Variants in HECW1 observed in about 807,000 individuals in gnomAD.
HECW1 encodes the protein E3 ubiquitin-protein ligase HECW1.
In HECW1, 61 loss-of-function variants were observed where a neutral mutation model predicts 182.3. That is an observed-to-expected ratio of 0.33 (90% CI 0.27 to 0.41). The LOEUF is 0.41. Among genes scored for constraint, HECW1 ranks in the 10% least tolerant of loss-of-function variants. The pLI is 1.00. For synonymous variants in HECW1, 859 were observed against 832.6 expected, an observed-to-expected ratio of 1.03 and a Z score of -0.55; for missense variants, 1,739 against 2,108.9, an observed-to-expected ratio of 0.82 and a Z score of 3.44.
intron 18 of HECW1, among the ~76,000 whole-genome samples, 161 bp from the exon 19 acceptor site, chr7:43,492,923 T>C (rs909359167): frequency 6.6e-6 from 1 of 152,234 alleles, no homozygotes; most frequent in Non-Finnish European, 1.5e-5. Flanking sequence ...TATTATGTCA[T>C]ATTTTAAAAA....
At chr7:43,365,475 T>C (rs1816524242) in intron 6 of HECW1, among the ~76,000 whole-genome samples, 1 of 152,228 alleles carries the variant, frequency 6.6e-6, no homozygotes, top group African/African-American at 2.4e-5. Context: ...TGGGGCCATC[T>C]ACTCTGGAGT....
At chr7:43,217,735 T>C (rs937162949) in intron 2 of HECW1, among the ~76,000 whole-genome samples, 1 of 152,244 alleles carries the variant, frequency 6.6e-6, no homozygotes, top group African/African-American at 2.4e-5. Flanking sequence ...CTTGGCCATG[T>C]CCTTACACAG....
intron 5 of HECW1, among the ~76,000 whole-genome samples, chr7:43,328,735 A>G (rs1275081468): frequency 6.6e-6 from 1 of 152,238 alleles, no homozygotes; most frequent in East Asian, 1.9e-4. Context: ...CATTCCATTC[A>G]GATTCGCAGC....
intron 2 of HECW1, among the ~76,000 whole-genome samples, chr7:43,226,630 C>T (rs1344373021): frequency 2.6e-5 from 4 of 152,134 alleles, no homozygotes; most frequent in South Asian, 4.1e-4. Context: ...AGATCCTTGA[C>T]GAAGCGGGTG....
At chr7:43,117,264 CTT>C (rs756567863) in intron 2 of HECW1, among the ~76,000 whole-genome samples, 27 of 152,280 alleles carry the variant, frequency 1.8e-4, no homozygotes, top group Non-Finnish European at 3.5e-4. Flanking sequence ...CTGAATAACT[CTT>C]ATGGTCAAAG....
chr7:43,301,768 G>A (rs1191270385), intron 3 of HECW1, among the ~76,000 whole-genome samples: 2 of 151,874 alleles, frequency 1.3e-5, no homozygotes, highest in Non-Finnish European at 2.9e-5. Context: ...CCAGCTACTC[G>A]GGAGGCTGAA....
chr7:43,452,915 C>T (rs527826282), intron 12 of HECW1, among the ~76,000 whole-genome samples: 2 of 152,350 alleles, frequency 1.3e-5, no homozygotes, highest in South Asian at 4.1e-4. Context: ...GAGTTGGAAA[C>T]ACCCTGCTGG....
At chr7:43,376,953 A>G (rs1251606978) in intron 6 of HECW1, among the ~76,000 whole-genome samples, 1 of 89,532 alleles carries the variant, frequency 1.1e-5, no homozygotes, top group African/African-American at 5.0e-5. Context: ...GTCACACTTT[A>G]GTGAAAAAAA....
At chr7:43,460,687 G>T (rs552203819) in intron 13 of HECW1, among the ~76,000 whole-genome samples, 1 of 152,122 alleles carries the variant, frequency 6.6e-6, no homozygotes, top group African/African-American at 2.4e-5. Context: ...GATATTGATG[G>T]ATAATTCCTA....
intron 3 of HECW1, among the ~76,000 whole-genome samples, chr7:43,303,531 T>G (rs938797301): frequency 2.0e-5 from 3 of 152,174 alleles, no homozygotes; most frequent in African/African-American, 7.2e-5. Flanking sequence ...ATTATCTGGC[T>G]TGGCTTGATT....
At chr7:43,244,332 C>T (rs971842002) in intron 3 of HECW1, among the ~76,000 whole-genome samples, 1 of 152,202 alleles carries the variant, frequency 6.6e-6, no homozygotes, top group Admixed American at 6.5e-5. Context: ...AACAGCTTCT[C>T]CTCCTGACTC....
At chr7:43,508,946 C>T in intron 23 of HECW1, 23 bp from the exon 24 acceptor site, 10 of 1,611,794 alleles carry the variant, frequency 6.2e-6, no homozygotes, top group Non-Finnish European at 8.5e-6. Context: ...AATGAGCTTC[C>T]TGGACCTCTG....
intron 16 of HECW1, 76 bp downstream of exon 16, chr7:43,469,181 G>A (rs941694517): frequency 1.4e-6 from 2 of 1,447,252 alleles, no homozygotes; most frequent in Non-Finnish European, 1.9e-6. Flanking sequence ...GGCGTGAGGA[G>A]GAGAGTGTGG....
At chr7:43,127,252 G>T (rs1177639722) in intron 2 of HECW1, among the ~76,000 whole-genome samples, 1 of 152,158 alleles carries the variant, frequency 6.6e-6, no homozygotes, top group Non-Finnish European at 1.5e-5. Context: ...GGCCGGGCAA[G>T]GTAGCTCATG....
intron 2 of HECW1, among the ~76,000 whole-genome samples, chr7:43,132,412 C>T (rs975330483): frequency 2.0e-5 from 3 of 152,168 alleles, no homozygotes; most frequent in African/African-American, 7.2e-5. Flanking sequence ...GTCGTATCAT[C>T]GAATGGATCG....
intron 2 of HECW1, among the ~76,000 whole-genome samples, chr7:43,159,992 T>C (rs529000523): frequency 3.7e-4 from 56 of 152,356 alleles, no homozygotes; most frequent in Non-Finnish European, 7.2e-4. Flanking sequence ...TCTTTACAAA[T>C]ATAGTACATA....
chr7:43,560,974 G>C (rs572832473), intron 29 of HECW1, among the ~76,000 whole-genome samples: 1 of 152,162 alleles, frequency 6.6e-6, no homozygotes, highest in South Asian at 2.1e-4. Context: ...TACAGGACTC[G>C]GCATCAGCCA....
At chr7:43,534,303 AT>A (rs1418092807) in intron 24 of HECW1, among the ~76,000 whole-genome samples, 1 of 152,228 alleles carries the variant, frequency 6.6e-6, no homozygotes, top group East Asian at 1.9e-4. Context: ...TCCCAACTGC[AT>A]TTTTTTGTCA....
At chr7:43,391,330 C>G (rs1390645326) in intron 6 of HECW1, among the ~76,000 whole-genome samples, 1 of 152,190 alleles carries the variant, frequency 6.6e-6, no homozygotes, top group Non-Finnish European at 1.5e-5. Context: ...TGAAAACTCT[C>G]TTCCTCCCCA....
Sources: allele counts gnomAD v4.1 joint callset (sites outside exome capture counted in the v4.1 genomes callset), GRCh38; gene constraint gnomAD v4.1.1; transcripts MANE v1.5; gene names NCBI Gene and HGNC (gene_info 2026-07-23, HGNC 2026-07-21).